BRINP3: variants seen among roughly 807,000 people sequenced by gnomAD.
BRINP3 encodes the protein BMP/retinoic acid-inducible neural-specific protein 3.
Under a neutral mutation model 71.0 loss-of-function variants are expected in BRINP3, and 19 were observed. The observed-to-expected ratio is 0.27, with a 90% CI of 0.19 to 0.39. The LOEUF (loss-of-function observed/expected upper bound fraction) is 0.39. BRINP3 is among the 10% of genes least tolerant of loss of function. The probability of loss-of-function intolerance (pLI) is 1.00; values close to 1 mark genes in which losing one functional copy is unlikely to be tolerated. For synonymous variants in BRINP3, 380 were observed against 337.7 expected, an observed-to-expected ratio of 1.13 and a Z score of -1.37; for missense variants, 959 against 940.8, an observed-to-expected ratio of 1.02 and a Z score of -0.25.
chr1:190,206,319 CTAAA>C (rs1025445259), intron 6 of BRINP3, among the ~76,000 whole-genome samples: 11 of 151,572 alleles, frequency 7.3e-5, no homozygotes, highest in Middle Eastern at 3.4e-3. Flanking sequence ...TCCTATTCTG[CTAAA>C]TAAATAAATA....
chr1:190,161,833 T>C (rs947976395), intron 6 of BRINP3, among the ~76,000 whole-genome samples: 3 of 152,160 alleles, frequency 2.0e-5, no homozygotes, highest in African/African-American at 7.2e-5. Context: ...TGACACATGC[T>C]ACAGCATAGA....
chr1:190,460,461 T>C (rs1676310970), intron 1 of BRINP3, among the ~76,000 whole-genome samples: 1 of 152,098 alleles, frequency 6.6e-6, no homozygotes, highest in Admixed American at 6.6e-5. Context: ...AAATTTTCAA[T>C]ACTTTTTCCA....
intron 1 of BRINP3, among the ~76,000 whole-genome samples, chr1:190,462,054 A>T (rs1404843934): frequency 6.6e-6 from 1 of 152,056 alleles, no homozygotes; most frequent in Non-Finnish European, 1.5e-5. Context: ...CTGGAATTAT[A>T]GGCATGCACC....
chr1:190,289,715 A>G (rs1173885132), intron 2 of BRINP3, among the ~76,000 whole-genome samples: 1 of 151,992 alleles, frequency 6.6e-6, no homozygotes, highest in Non-Finnish European at 1.5e-5. Flanking sequence ...GGGGATTTAT[A>G]TAATATAAAC....
At chr1:190,113,506 G>T (rs1313896785) in intron 7 of BRINP3, among the ~76,000 whole-genome samples, 3 of 152,102 alleles carry the variant, frequency 2.0e-5, no homozygotes, top group Non-Finnish European at 2.9e-5. Context: ...ACGGAATTAT[G>T]CTAATTAGTT....
chr1:190,289,914 A>T (rs2102963427), intron 2 of BRINP3, among the ~76,000 whole-genome samples: 1 of 152,054 alleles, frequency 6.6e-6, no homozygotes, highest in South Asian at 2.1e-4. Context: ...TTTCATGTAG[A>T]TGTGAATTAT....
chr1:190,322,937 G>T (rs1314638320), intron 2 of BRINP3, among the ~76,000 whole-genome samples: 2 of 151,866 alleles, frequency 1.3e-5, no homozygotes, highest in African/African-American at 2.4e-5. Flanking sequence ...TAAAGAGCGG[G>T]TGATGCAACT....
chr1:190,234,245 A>T, intron 5 of BRINP3, 127 bp downstream of exon 5: 1 of 489,264 alleles, frequency 2.0e-6, no homozygotes, highest in East Asian at 3.2e-5. Flanking sequence ...TTATGAAATT[A>T]GCCTTTAATG....
At chr1:190,112,727 A>G (rs1325836102) in intron 7 of BRINP3, among the ~76,000 whole-genome samples, 3 of 152,110 alleles carry the variant, frequency 2.0e-5, no homozygotes, top group Non-Finnish European at 4.4e-5. Flanking sequence ...TCCCACATAA[A>G]TCACTCCAGT....
intron 4 of BRINP3, among the ~76,000 whole-genome samples, chr1:190,247,306 G>A (rs1178264950): frequency 6.6e-6 from 1 of 151,810 alleles, no homozygotes; most frequent in Non-Finnish European, 1.5e-5. Flanking sequence ...CCTGTGGAAG[G>A]AACTTATCTT....
intron 6 of BRINP3, among the ~76,000 whole-genome samples, chr1:190,225,539 A>C (rs1243627660): frequency 3.3e-5 from 5 of 152,044 alleles, no homozygotes; most frequent in Non-Finnish European, 5.9e-5. Flanking sequence ...TGTATTTATT[A>C]AGTGTGCTTA....
At chr1:190,201,608 A>G (rs768980494) in intron 6 of BRINP3, among the ~76,000 whole-genome samples, 1 of 152,208 alleles carries the variant, frequency 6.6e-6, no homozygotes, top group South Asian at 2.1e-4. Flanking sequence ...GAAACCTAGG[A>G]GAAAACTGTG....
rs1386586083 is a variant in BRINP3 at position 190,361,277 on chromosome 1, C to G, written c.237-79527G>C. ...CAAGTAGGTTTTTGATGAAATAACT[C>G]TAACATAATTTCCGAAGAGATTAGA... On this transcript the variant is annotated intron_variant, in intron 2 of 7. Transcript: ENST00000367462. Among the ~76,000 whole-genome samples the G allele has an allele frequency of 1.3e-5, 2 of 151,992 alleles. 1 individual carries two copies. The highest frequency in any genetic ancestry group is 3.9e-4 in the East Asian group (2 of 5,164).
At chr1:190,330,157 C>G (rs1358981859) in intron 2 of BRINP3, among the ~76,000 whole-genome samples, 1 of 151,862 alleles carries the variant, frequency 6.6e-6, no homozygotes, top group Non-Finnish European at 1.5e-5. Context: ...AACAAAATAG[C>G]TTCTGCACAG....
At chr1:190,319,726 G>C (rs1404412110) in intron 2 of BRINP3, among the ~76,000 whole-genome samples, 1 of 151,886 alleles carries the variant, frequency 6.6e-6, no homozygotes, top group African/African-American at 2.4e-5. Flanking sequence ...AGCACCAAGG[G>C]GGATGATGTG....
intron 1 of BRINP3, among the ~76,000 whole-genome samples, chr1:190,462,502 G>T (rs1328692678): frequency 1.3e-5 from 2 of 152,084 alleles, no homozygotes; most frequent in African/African-American, 4.8e-5. Context: ...TGAATAGCCT[G>T]TTCCTCTCCA....
chr1:190,200,374 A>G (rs947948011), intron 6 of BRINP3, among the ~76,000 whole-genome samples: 2 of 152,118 alleles, frequency 1.3e-5, no homozygotes, highest in African/African-American at 4.8e-5. Context: ...ATGGGAATAG[A>G]ACATATAGAA....
chr1:190,158,906 T>C, intron 7 of BRINP3, among the ~76,000 whole-genome samples: 1 of 151,174 alleles, frequency 6.6e-6, no homozygotes, highest in East Asian at 2.0e-4. Context: ...GAGAAAGGAC[T>C]GCCTAGGAAA....
chr1:190,256,235 G>A (rs1173482632), intron 4 of BRINP3, among the ~76,000 whole-genome samples: 1 of 151,216 alleles, frequency 6.6e-6, no homozygotes, highest in African/African-American at 2.5e-5. Context: ...TGAGAAGAAT[G>A]TATATTCTGT....
Sources: allele counts gnomAD v4.1 joint callset (sites outside exome capture counted in the v4.1 genomes callset), GRCh38; gene constraint gnomAD v4.1.1; transcripts MANE v1.5; gene names NCBI Gene and HGNC (gene_info 2026-07-23, HGNC 2026-07-21).